STK32B: variants seen among roughly 807,000 people sequenced by gnomAD.
The protein encoded by STK32B is serine/threonine kinase 32B.
In STK32B, 43 loss-of-function variants were observed where a neutral mutation model predicts 52.6. That is an observed-to-expected ratio of 0.82 (90% CI 0.64 to 1.05). The LOEUF (loss-of-function observed/expected upper bound fraction) is 1.05. STK32B is among the 50% of genes least tolerant of loss of function. The pLI is 0.00. For synonymous variants in STK32B, 238 were observed against 204.3 expected, an observed-to-expected ratio of 1.17 and a Z score of -1.41; for missense variants, 621 against 534.6, an observed-to-expected ratio of 1.16 and a Z score of -1.59.
intron 3 of STK32B, among the ~76,000 whole-genome samples, chr4:5,262,349 G>T (rs1398144231): frequency 6.6e-6 from 1 of 151,918 alleles, no homozygotes; most frequent in East Asian, 1.9e-4. Context: ...AGTGTGTGCC[G>T]GGCGCAGTGG....
chr4:5,408,469 G>T (rs1737820952), intron 5 of STK32B, among the ~76,000 whole-genome samples: 1 of 152,094 alleles, frequency 6.6e-6, no homozygotes, highest in African/African-American at 2.4e-5. Flanking sequence ...AACCAAGGAG[G>T]TGCCACTATG....
At chr4:5,358,701 G>GCGCACACACACACA (rs151338728) in intron 4 of STK32B, among the ~76,000 whole-genome samples, 1 of 106,810 alleles carries the variant, frequency 9.4e-6, no homozygotes, top group African/African-American at 4.1e-5. Flanking sequence ...TCACACACAT[G>GCGCACACACACACA]CACACACACA....
chr4:5,316,980 A>G (rs796508708), intron 3 of STK32B, among the ~76,000 whole-genome samples: 2 of 40,272 alleles, frequency 5.0e-5, no homozygotes, highest in Non-Finnish European at 7.1e-5. Flanking sequence ...TATATATAAT[A>G]TATAATATAT....
rs143552616 is a variant in STK32B at position 5,341,844 on chromosome 4, A to G, written c.434+10451A>G. Among the ~76,000 whole-genome samples the G allele has an allele frequency of 1.2e-4, 19 of 152,228 alleles. No individual in the cohort carries two copies. In the East Asian group the frequency reaches 3.3e-3, roughly 26 times the overall value. ...GAGCAAAGGAGACAGGGGAGGTGCT[A>G]TACACTTTTTTTTAAAAATACTTTA... On this transcript the variant is annotated intron_variant, in intron 4 of 11. Transcript: ENST00000282908.
chr4:5,156,069 A>G (rs904748446), intron 2 of STK32B, among the ~76,000 whole-genome samples: 4 of 151,928 alleles, frequency 2.6e-5, no homozygotes, highest in Admixed American at 2.6e-4. Flanking sequence ...ACACATATTC[A>G]TAGATACACA....
At chr4:5,168,233 A>T (rs112235784) in intron 2 of STK32B, 66 bp from the exon 3 acceptor site, 1 of 1,556,266 alleles carries the variant, frequency 6.4e-7, no homozygotes, top group African/African-American at 1.4e-5. Flanking sequence ...GTGCGGGGTG[A>T]CATTTCTCCT....
chr4:5,289,029 A>G (rs1042722780), intron 3 of STK32B, among the ~76,000 whole-genome samples: 1 of 152,198 alleles, frequency 6.6e-6, no homozygotes, highest in East Asian at 1.9e-4. Context: ...ACAGGGATAC[A>G]TTCTGAGAAA....
rs1723847748 is a variant in STK32B, at chr4:5,226,004, A to G, written c.260+57554A>G. ...AAGTTTGTCTCCTTCCAAGAATCTGATAAAACCCAGGCATGTGCTCAGCAC... is the reference window on the plus strand; with the variant it reads ...AAGTTTGTCTCCTTCCAAGAATCTGGTAAAACCCAGGCATGTGCTCAGCAC... On this transcript the variant is annotated intron_variant, in intron 3 of 11. Transcript: ENST00000282908. 1.3e-5 allele frequency among the ~76,000 whole-genome samples: 2 copies of G among 152,174 alleles called. 1 individual carries two copies. Among genetic ancestry groups the G allele is most frequent in the South Asian group, 4.1e-4 (2 of 4,832 alleles).
intron 6 of STK32B, among the ~76,000 whole-genome samples, chr4:5,437,213 T>G (rs950953161): frequency 6.6e-6 from 1 of 152,258 alleles, no homozygotes; most frequent in Non-Finnish European, 1.5e-5. Flanking sequence ...TTACCCCTTG[T>G]ATTCATTTAT....
chr4:5,272,242 T>C (rs1727491959), intron 3 of STK32B, among the ~76,000 whole-genome samples: 1 of 146,640 alleles, frequency 6.8e-6, no homozygotes, highest in South Asian at 2.3e-4. Flanking sequence ...CAAAGGCTTT[T>C]TCTGCATCTA....
chr4:5,156,458 C>T (rs1717854625), intron 2 of STK32B, among the ~76,000 whole-genome samples: 1 of 152,186 alleles, frequency 6.6e-6, no homozygotes, highest in South Asian at 2.1e-4. Flanking sequence ...TTTCCACTCA[C>T]CCTCGTCCAG....
At chr4:5,059,017 C>A (rs76237442) in intron 1 of STK32B, among the ~76,000 whole-genome samples, 1 of 131,838 alleles carries the variant, frequency 7.6e-6, no homozygotes, top group African/African-American at 2.9e-5. Flanking sequence ...TCCCAAAGTT[C>A]TGAGATTACA....
chr4:5,410,459 C>T lies in STK32B; in HGVS notation c.473-6386C>T, dbSNP rs3774848. Among the ~76,000 whole-genome samples, 268 of 152,276 alleles carry T rather than the reference C, an allele frequency of 1.8e-3. 4 individuals carry two copies. In the East Asian group the frequency reaches 0.044, roughly 25 times the overall value. ...CCTTTCATCCTAACTCTTGGTCTTC[C>T]TTCCTCTAGAGGGAGCAATATTTGC... is the stretch of plus-strand genomic sequence containing the variant. On this transcript the variant is annotated intron_variant, in intron 5 of 11. Coordinates refer to ENST00000282908, the MANE Select transcript of STK32B (RefSeq NM_018401.3).
At chr4:5,074,446 A>G (rs1435801286) in intron 1 of STK32B, among the ~76,000 whole-genome samples, 1 of 151,630 alleles carries the variant, frequency 6.6e-6, no homozygotes, top group East Asian at 1.9e-4. Context: ...TTTTCCTACA[A>G]ATTCTTTAAA....
intron 3 of STK32B, among the ~76,000 whole-genome samples, chr4:5,184,570 C>T (rs1227757250): frequency 6.6e-6 from 1 of 151,588 alleles, no homozygotes; most frequent in African/African-American, 2.4e-5. Context: ...TGCCTGTAAT[C>T]CCAGCTACTT....
chr4:5,431,966 C>G (rs1479932280), intron 6 of STK32B, among the ~76,000 whole-genome samples: 1 of 152,186 alleles, frequency 6.6e-6, no homozygotes, highest in Non-Finnish European at 1.5e-5. Context: ...TGACAGAGCT[C>G]TTGAATCATT....
At chr4:5,296,784 G>A (rs183153143) in intron 3 of STK32B, among the ~76,000 whole-genome samples, 63 of 152,244 alleles carry the variant, frequency 4.1e-4, no homozygotes, top group Admixed American at 2.8e-3. Flanking sequence ...ATATTGTTAC[G>A]TGTGAATTTG....
At chr4:5,064,340 C>T (rs1440412066) in intron 1 of STK32B, among the ~76,000 whole-genome samples, 1 of 138,178 alleles carries the variant, frequency 7.2e-6, no homozygotes, top group African/African-American at 2.7e-5. Flanking sequence ...CTTACATAAA[C>T]ATAATTATAT....
Position 5,250,398 on chromosome 4 carries a change from C to T in STK32B, c.261-80822C>T, listed in dbSNP as rs190387193. Among the ~76,000 whole-genome samples, 75 of 151,128 alleles carry T rather than the reference C, an allele frequency of 5.0e-4. 1 individual carries two copies. Among genetic ancestry groups the T allele is most frequent in the South Asian group, 4.0e-3 (19 of 4,742 alleles). On this transcript the variant is annotated intron_variant, in intron 3 of 11. Transcript: ENST00000282908. ...TGTGATCTTGGGTCACTGCAACCTC[C>T]GCCTCCCGGCTTCAAGAGATTCTCC...
Sources: allele counts gnomAD v4.1 joint callset (sites outside exome capture counted in the v4.1 genomes callset), GRCh38; gene constraint gnomAD v4.1.1; transcripts MANE v1.5; gene names NCBI Gene and HGNC (gene_info 2026-07-23, HGNC 2026-07-21).